Variants in MIB1 observed in about 807,000 individuals in gnomAD.
The protein encoded by MIB1 is E3 ubiquitin-protein ligase MIB1.
In MIB1, 278 loss-of-function variants were observed where a neutral mutation model predicts 124.5. The ratio of observed to expected loss-of-function variants is 2.23; its 90% CI spans 2.02 to 2.47. MIB1 has a LOEUF of 2.47. Among genes scored for constraint, MIB1 ranks in the 30% most tolerant of loss-of-function variants. The pLI, the probability that MIB1 is intolerant of heterozygous loss-of-function variation, is 0.00. For synonymous variants in MIB1, 446 were observed against 429.4 expected, an observed-to-expected ratio of 1.04 and a Z score of -0.48; for missense variants, 957 against 1,254.4, an observed-to-expected ratio of 0.76 and a Z score of 3.58.
upstream of MIB1, among the ~76,000 whole-genome samples, chr18:21,736,481 G>A (rs919263686): frequency 2.6e-5 from 4 of 152,064 alleles, no homozygotes; most frequent in South Asian, 2.1e-4. Context: ...ACAACTCCTC[G>A]CCAGCAAGGG....
chr18:21,754,997 C>T (rs746353564), intron 1 of MIB1, among the ~76,000 whole-genome samples: 2 of 152,148 alleles, frequency 1.3e-5, no homozygotes, highest in African/African-American at 2.4e-5. Flanking sequence ...TCCGGGACAC[C>T]TGTATCAGCC....
intron 13 of MIB1, among the ~76,000 whole-genome samples, chr18:21,842,857 A>C (rs923802927): frequency 6.6e-6 from 1 of 152,304 alleles, no homozygotes; most frequent in East Asian, 1.9e-4. Context: ...TTTGAACTCT[A>C]CTGTGCTTTG....
intron 1 of MIB1, among the ~76,000 whole-genome samples, chr18:21,748,168 C>G (rs1022429998): frequency 7.2e-5 from 11 of 152,142 alleles, no homozygotes; most frequent in African/African-American, 2.2e-4. Flanking sequence ...CAGTATCATT[C>G]TCTTTTTCTT....
intron 13 of MIB1, among the ~76,000 whole-genome samples, chr18:21,840,483 T>C (rs937498557): frequency 7.9e-5 from 12 of 151,832 alleles, no homozygotes; most frequent in African/African-American, 2.9e-4. Flanking sequence ...TAGACCTGAA[T>C]GTAAAAGCTT....
At chr18:21,837,793 A>G (rs2042047553) in intron 12 of MIB1, among the ~76,000 whole-genome samples, 1 of 152,182 alleles carries the variant, frequency 6.6e-6, no homozygotes, top group Non-Finnish European at 1.5e-5. Flanking sequence ...ACATATGTCA[A>G]GTTTTAACTT....
intron 1 of MIB1, among the ~76,000 whole-genome samples, chr18:21,752,587 T>A (rs2040987427): frequency 6.6e-6 from 1 of 152,222 alleles, no homozygotes; most frequent in South Asian, 2.1e-4. Context: ...AAGATATCTT[T>A]TCACTTCAAT....
intron 10 of MIB1, among the ~76,000 whole-genome samples, chr18:21,805,393 T>C (rs774020493): frequency 1.3e-5 from 2 of 152,218 alleles, no homozygotes; most frequent in Non-Finnish European, 2.9e-5. Flanking sequence ...TGAATGAGAT[T>C]ATATAATTTG....
At position 21,741,693 on chromosome 18, in the gene MIB1, G is replaced by T; in HGVS notation, c.110G>T (p.Gly37Val). ...CAGGACGGCGGCGAGGGCCATGTGG[G>T]CACCGTCCGGAGCTTCGAGAGCCCC... is the stretch of plus-strand genomic sequence containing the variant. ...GKQDGGEGHVGTVRSFESPEE... is the reference protein window; with the variant it reads ...GKQDGGEGHVVTVRSFESPEE... Residue 37 changes from glycine to valine, a missense_variant, in exon 1 of 21, where the codon GGC becomes GTC. Coordinates refer to ENST00000261537, the MANE Select transcript of MIB1 (RefSeq NM_020774.4). The surrounding 1 kb of genome is among the most constrained non-coding windows in gnomAD (Gnocchi z 5.4). 6.2e-7 allele frequency: 1 copy of T among 1,611,412 alleles called. No homozygotes were observed. Among genetic ancestry groups the T allele is most frequent in the South Asian group, 1.1e-5 (1 of 90,698 alleles).
intron 12 of MIB1, among the ~76,000 whole-genome samples, chr18:21,821,607 T>C (rs1228802589): frequency 1.3e-5 from 2 of 151,294 alleles, no homozygotes; most frequent in South Asian, 2.1e-4. Flanking sequence ...TTTTTTGTTT[T>C]TTTTTTTTTG....
At chr18:21,779,457 A>G (rs762075495) in intron 5 of MIB1, 24 bp from the exon 6 acceptor site, 3 of 1,604,420 alleles carry the variant, frequency 1.9e-6, no homozygotes, top group African/African-American at 1.3e-5. Context: ...TTCTCCCTTT[A>G]TTCAATTGCC....
In MIB1 at chr18:21,865,599, A is replaced by G. The variant is rs940733428; in HGVS notation, c.*933A>G. 1.3e-5 allele frequency: 2 copies of G among 152,670 alleles called. No homozygotes were observed. Among genetic ancestry groups the G allele is most frequent in the Admixed American group, 6.5e-5 (1 of 15,276 alleles). The allele number at this position is 152,670 out of a possible 1,614,324, so 9.5% of individuals were successfully genotyped here. A position where few individuals can be genotyped will look rare whatever the true frequency, so the allele number is the denominator to read the frequency against. On this transcript the variant is annotated 3_prime_UTR_variant, in exon 21 of 21. Coordinates refer to ENST00000261537, the MANE Select transcript of MIB1 (RefSeq NM_020774.4). The stretch of plus-strand genomic sequence containing the variant: ...CCTCTGAGGTTCTATTTAGCTTTGC[A>G]GATGTACATAGTATCCCAGTGATCT...
At chr18:21,826,201 C>T (rs941325532) in intron 12 of MIB1, 2 of 158,268 alleles carry the variant, frequency 1.3e-5, no homozygotes, top group African/African-American at 4.8e-5. Context: ...AATAGTTAAG[C>T]TAAAAGGTTG....
At chr18:21,706,579 G>T (rs543830450) in intron 1 of MIB1, among the ~76,000 whole-genome samples, 3 of 152,330 alleles carry the variant, frequency 2.0e-5, no homozygotes, top group African/African-American at 7.2e-5. Flanking sequence ...GGAGTTCCGG[G>T]TGGGTGTGGG....
chr18:21,783,200 G>C (rs533313278), intron 6 of MIB1, among the ~76,000 whole-genome samples: 25 of 150,726 alleles, frequency 1.7e-4, no homozygotes, highest in African/African-American at 5.8e-4. Flanking sequence ...CACAGGGTTG[G>C]GTCATTTAAA....
At chr18:21,733,313 T>C (rs9962526) in intron 1 of MIB1, among the ~76,000 whole-genome samples, 23,459 of 152,204 alleles carry the variant, frequency 0.15, 2,600 homozygotes, top group African/African-American at 0.31. Flanking sequence ...TATTTTTTTG[T>C]GGGGGTTCAT....
At chr18:21,839,327 C>A (rs913041087) in intron 13 of MIB1, among the ~76,000 whole-genome samples, 1 of 152,128 alleles carries the variant, frequency 6.6e-6, no homozygotes, top group Admixed American at 6.6e-5. Flanking sequence ...AAAATTACTG[C>A]TCTCTGTTAA....
chr18:21,815,768 A>G lies in MIB1; in HGVS notation c.1632A>G (p.Gln544=). 1 of 1,614,156 alleles carries G rather than the reference A, an allele frequency of 6.2e-7. No homozygotes were observed. The highest frequency in any genetic ancestry group is 1.1e-5 in the South Asian group (1 of 91,080). The change falls in exon 11 of 21, where the codon CAA becomes CAG. Residue 544 remains glutamine (Q), a synonymous_variant. Coordinates refer to ENST00000261537, the MANE Select transcript of MIB1 (RefSeq NM_020774.4). The stretch of plus-strand genomic sequence containing the variant: ...TTGCTGTCAATAAAGGTCATCTTCA[A>G]GTTGTGAAGACTTTATTGGACTTTG... The part of the protein sequence containing the change: ...LHIAVNKGHL[Q]VVKTLLDFGC...
intron 1 of MIB1, among the ~76,000 whole-genome samples, chr18:21,721,169 T>TG (rs1568175879): frequency 1.0e-5 from 1 of 97,118 alleles, no homozygotes; most frequent in Non-Finnish European, 2.0e-5. Context: ...GTTTTTTTTT[T>TG]TTTTTTTTTT....
At position 21,724,727 on chromosome 18, in the gene MIB1, AATATATATATATATATATAT is replaced by A. The variant is rs60650753; in HGVS notation, n.167+19631_167+19650del. On this transcript the variant is annotated intron_variant and non_coding_transcript_variant, in intron 1 of 20. Coordinates refer to the MIB1 transcript ENST00000578646. Reference sequence around the variant, plus strand: ...CTCCCCCATCCAAAAAAAAAAAAAAAATATATATATATATATATATATATATATATATATATATATATATA... The same window carrying A: ...CTCCCCCATCCAAAAAAAAAAAAAAAATATATATATATATATATATATATA... Among the ~76,000 whole-genome samples, 21 of 17,378 alleles carry A rather than the reference AATATATATATATATATATAT, an allele frequency of 1.2e-3. No homozygotes were observed. In the East Asian group the frequency reaches 0.02, roughly 16 times the overall value. 11.4% of individuals were successfully genotyped at this position (17,378 alleles called of 152,430 possible). A position where few individuals can be genotyped will look rare whatever the true frequency, so the allele number is the denominator to read the frequency against.
Sources: allele counts gnomAD v4.1 joint callset (sites outside exome capture counted in the v4.1 genomes callset), GRCh38; gene constraint gnomAD v4.1.1; non-coding constraint Gnocchi (gnomAD v3.1); transcripts MANE v1.5; gene names NCBI Gene and HGNC (gene_info 2026-07-23, HGNC 2026-07-21).